KCNC4: variants seen among roughly 807,000 people sequenced by gnomAD.
The protein encoded by KCNC4 is potassium voltage-gated channel subfamily C member 4.
A neutral mutation model predicts 42.8 loss-of-function variants in KCNC4; 23 were observed. The observed-to-expected ratio is 0.54, with a 90% CI of 0.39 to 0.76. The LOEUF (loss-of-function observed/expected upper bound fraction) is 0.76. Ranked by LOEUF, KCNC4 falls within the 30% of genes least tolerant of loss-of-function variation. The pLI, the probability that KCNC4 is intolerant of heterozygous loss-of-function variation, is 0.00. For synonymous variants in KCNC4, 422 were observed against 393.5 expected (o/e 1.07, Z -0.86); for missense variants, 751 against 898.2 (o/e 0.84, Z 2.10).
chr1:110,210,471 C>G lies in KCNC4; in HGVS notation c.-1029C>G, dbSNP rs918936621. On this transcript the variant is annotated 5_prime_UTR_variant, in exon 1 of 4. Transcript: ENST00000438661. ...GGCGCCCCGCCCGGAGATGGGCAGA[C>G]GCGTAGATGGCGTGGCTCCCAGCGC... Among the ~76,000 whole-genome samples the G allele has an allele frequency of 1.3e-5, 2 of 151,374 alleles. No individual in the cohort carries two copies. Among genetic ancestry groups the G allele is most frequent in the Admixed American group, 1.3e-4 (2 of 15,218 alleles).
chr1:110,265,672 G>C (rs1462216731), intron 1 of KCNC4, among the ~76,000 whole-genome samples: 2 of 152,190 alleles, frequency 1.3e-5, no homozygotes, highest in Non-Finnish European at 2.9e-5. Flanking sequence ...TTTAGCACCA[G>C]GGAGCCTGTT....
At chr1:110,263,624 G>A (rs1659490516) in intron 1 of KCNC4, among the ~76,000 whole-genome samples, 1 of 152,134 alleles carries the variant, frequency 6.6e-6, no homozygotes, top group African/African-American at 2.4e-5. Flanking sequence ...GCTCAAAGTG[G>A]CCCTTACATA....
At chr1:110,227,519 C>T (rs1280015501) in intron 3 of KCNC4, among the ~76,000 whole-genome samples, 1 of 152,224 alleles carries the variant, frequency 6.6e-6, no homozygotes, top group Non-Finnish European at 1.5e-5. Flanking sequence ...ATGGAGGGTG[C>T]TCAGACCTCT....
chr1:110,226,206 G>A, intron 3 of KCNC4, 28 bp downstream of exon 3: 1 of 1,608,348 alleles, frequency 6.2e-7, no homozygotes. Flanking sequence ...GGACAGGTGG[G>A]GAGCCCCCAC....
intron 1 of KCNC4, among the ~76,000 whole-genome samples, chr1:110,267,690 C>T (rs1194736737): frequency 1.3e-5 from 2 of 152,212 alleles, no homozygotes; most frequent in Non-Finnish European, 2.9e-5. Context: ...ATGTATCTCA[C>T]CACCAGGAAG....
chr1:110,254,855 C>T (rs1422573374), intron 1 of KCNC4, among the ~76,000 whole-genome samples: 1 of 152,236 alleles, frequency 6.6e-6, no homozygotes. Context: ...AAGAAGGCTG[C>T]AGCAGTGCTG....
exon 4 of KCNC4, chr1:110,247,203 T>C (rs1365686111): frequency 6.6e-6 from 1 of 152,052 alleles, no homozygotes; most frequent in Non-Finnish European, 1.5e-5. Context: ...TTGTGAATAA[T>C]ACTGCAGTAA....
chr1:110,261,849 A>T (rs1659460765), intron 1 of KCNC4, among the ~76,000 whole-genome samples: 1 of 152,346 alleles, frequency 6.6e-6, no homozygotes, highest in Middle Eastern at 3.4e-3. Context: ...TCTCATGGCA[A>T]GTACTTAAGG....
exon 4 of KCNC4, chr1:110,242,185 T>G (rs1659045529): frequency 6.6e-6 from 1 of 152,456 alleles, no homozygotes; most frequent in Non-Finnish European, 1.5e-5. Flanking sequence ...CTCTCCAGGC[T>G]TCAGCCATCT....
intron 1 of KCNC4, among the ~76,000 whole-genome samples, chr1:110,268,937 C>T (rs1293516645): frequency 6.6e-6 from 1 of 151,938 alleles, no homozygotes; most frequent in African/African-American, 2.4e-5. Context: ...ACCGTGGTCT[C>T]GATCTCCTGA....
chr1:110,224,244 G>A, intron 2 of KCNC4: 1 of 261,168 alleles, frequency 3.8e-6, no homozygotes, highest in Admixed American at 4.8e-5. Flanking sequence ...CTAGGCACCT[G>A]TAAAATGGGA....
At chr1:110,221,365 TCA>T (rs1658086931) in intron 1 of KCNC4, 1 of 152,262 alleles carries the variant, frequency 6.6e-6, no homozygotes, top group South Asian at 2.1e-4. Context: ...GAGGCGTGCC[TCA>T]CAGGGTCATT....
chr1:110,258,483 G>A (rs374007156), intron 1 of KCNC4, among the ~76,000 whole-genome samples: 9 of 152,122 alleles, frequency 5.9e-5, no homozygotes, highest in Non-Finnish European at 1.0e-4. Context: ...TGATCCGCCC[G>A]CCTCAGCCTC....
intron 1 of KCNC4, among the ~76,000 whole-genome samples, chr1:110,275,954 CAAAAAAAAAA>C (rs61372696): frequency 9.4e-6 from 1 of 106,238 alleles, no homozygotes; most frequent in South Asian, 3.0e-4. Context: ...GACTCCGCCT[CAAAAAAAAAA>C]AAAAAAAAGA....
chr1:110,267,072 T>C (rs756677936), intron 1 of KCNC4, among the ~76,000 whole-genome samples: 32 of 152,104 alleles, frequency 2.1e-4, no homozygotes, highest in Non-Finnish European at 3.8e-4. Context: ...GCAGAACCCT[T>C]GGGGAGAGGG....
chr1:110,245,057 C>T (rs903296476), exon 4 of KCNC4: 1 of 152,236 alleles, frequency 6.6e-6, no homozygotes, highest in African/African-American at 2.4e-5. Context: ...CCCCAATTCA[C>T]TAGAGAACCT....
At chr1:110,257,728 A>T (rs1659361554) in intron 1 of KCNC4, among the ~76,000 whole-genome samples, 1 of 148,818 alleles carries the variant, frequency 6.7e-6, no homozygotes, top group African/African-American at 2.4e-5. Context: ...CTCAAAAAAA[A>T]AAAAAAAAAA....
At position 110,214,896 on chromosome 1, in the gene KCNC4, G is replaced by T. The variant is rs72988886; in HGVS notation, c.678+2719G>T. 2.0e-5 allele frequency among the ~76,000 whole-genome samples: 3 copies of T among 152,134 alleles called. No homozygotes were observed. In the East Asian group the frequency reaches 5.8e-4, roughly 29 times the overall value. On this transcript the variant is annotated intron_variant, in intron 1 of 3. Coordinates refer to ENST00000438661, the MANE Select transcript of KCNC4 (RefSeq NM_001039574.3). ...CAGGCCTGAGGGTACTATGCCATGC[G>T]GGGAGTTCTGGGGCTGCACTTTCCC...
exon 4 of KCNC4, chr1:110,240,058 G>A (rs139592938): frequency 1.3e-5 from 2 of 152,542 alleles, no homozygotes; most frequent in East Asian, 3.9e-4. Flanking sequence ...GAAGAGGAGG[G>A]AGGGGCAAAG....
Sources: gnomAD v4.1 joint callset for allele counts (sites outside exome capture counted in the v4.1 genomes callset) on GRCh38, gnomAD v4.1.1 for gene constraint, MANE v1.5 for transcripts, NCBI Gene and HGNC (gene_info 2026-07-23, HGNC 2026-07-21) for gene names.